Variants in YEATS2 observed in about 807,000 individuals in gnomAD.
YEATS2 encodes YEATS domain-containing protein 2.
Under a neutral mutation model 163.2 loss-of-function variants are expected in YEATS2, and 77 were observed. The observed-to-expected ratio is 0.47, with a 90% CI of 0.39 to 0.57. YEATS2 has a LOEUF of 0.57. Among genes scored for constraint, YEATS2 ranks in the 20% least tolerant of loss-of-function variants. YEATS2 has a pLI of 0.00. For missense variants in YEATS2, 1,549 were observed against 1,729.8 expected, an observed-to-expected ratio of 0.90 and a Z score of 1.85; for synonymous variants, 631 against 645.1, an observed-to-expected ratio of 0.98 and a Z score of 0.33.
Position 183,803,997 on chromosome 3 carries a change from C to G in YEATS2, c.3593C>G (p.Ala1198Gly). The part of the protein sequence containing the change: ...GKRRAAEWQR[A>G]MTMRKVLQEI... ...AATTTTTTTTTTAAGTGGCAAAGAG[C>G]AATGACAATGCGAAAAGTCTTACAA... is the stretch of plus-strand genomic sequence containing the variant. Residue 1198 changes from alanine to glycine, a missense_variant, in exon 27 of 31, where the codon GCA becomes GGA. Ala to Gly is a moderately conservative substitution (Grantham distance 60). Transcript: ENST00000305135. 1.2e-6 allele frequency: 2 copies of G among 1,613,918 alleles called. No individual in the cohort carries two copies. Among genetic ancestry groups the G allele is most frequent in the Non-Finnish European group, 1.7e-6 (2 of 1,179,982 alleles).
chr3:183,785,581 A>G (rs1723989051), intron 19 of YEATS2, among the ~76,000 whole-genome samples: 1 of 151,868 alleles, frequency 6.6e-6, no homozygotes, highest in Non-Finnish European at 1.5e-5. Flanking sequence ...ACTTGAGCCC[A>G]GGAGTTCGAG....
At chr3:183,716,937 G>C (rs1715952155) in intron 2 of YEATS2, among the ~76,000 whole-genome samples, 1 of 151,520 alleles carries the variant, frequency 6.6e-6, no homozygotes, top group Non-Finnish European at 1.5e-5. Flanking sequence ...CTGTCACCCG[G>C]GCTGGAGTGC....
At position 183,790,831 on chromosome 3, in the gene YEATS2, T is replaced by G. The variant is rs1242647899; in HGVS notation, c.2948T>G (p.Val983Gly). The G allele has an allele frequency of 6.2e-7, 1 of 1,614,074 alleles. No homozygotes were observed. The highest frequency in any genetic ancestry group is 2.2e-5 in the East Asian group (1 of 44,872). ...EGMAPVSSSTVSSVTKTSGQQ... is the reference protein window; with the variant it reads ...EGMAPVSSSTGSSVTKTSGQQ... ...ATGGCTCCCGTGTCTTCATCTACGG[T>G]CAGTTCTGTAACGAAAACTTCTGGG... The change falls in exon 21 of 31, where the codon GTC becomes GGC. Residue 983 changes from valine to glycine, a missense_variant. Coordinates refer to ENST00000305135, the MANE Select transcript of YEATS2 (RefSeq NM_018023.5).
intron 27 of YEATS2, chr3:183,806,178 T>G (rs1449703693): frequency 2.5e-6 from 1 of 401,660 alleles, no homozygotes. Flanking sequence ...ATATCCTAAG[T>G]CAAAAATGAT....
chr3:183,802,505 G>GTATA (rs1391324710), intron 25 of YEATS2: 7 of 63,066 alleles, frequency 1.1e-4, no homozygotes, highest in African/African-American at 4.2e-4. Flanking sequence ...GTGTGTGTGT[G>GTATA]TGTGTATACA....
chr3:183,744,102 C>CTTTTTTTTTTTTTTTTTTTTTTTTTTT (rs562807575), intron 8 of YEATS2, among the ~76,000 whole-genome samples: 1 of 56,002 alleles, frequency 1.8e-5, no homozygotes, highest in Non-Finnish European at 3.0e-5. Flanking sequence ...TTTAGTTTTG[C>CTTTTTTTTTTTTTTTTTTTTTTTTTTT]TTTTTTTTTT....
At chr3:183,746,545 T>A (rs1719556149) in intron 8 of YEATS2, among the ~76,000 whole-genome samples, 1 of 152,194 alleles carries the variant, frequency 6.6e-6, no homozygotes, top group African/African-American at 2.4e-5. Flanking sequence ...TCCTATCCAA[T>A]GTCCCTCTTG....
Position 183,812,526 on chromosome 3 carries a change from G to C in YEATS2, c.*1943G>C, listed in dbSNP as rs748099694. The C allele has an allele frequency of 6.6e-6, 1 of 152,652 alleles. No individual in the cohort carries two copies. The highest frequency in any genetic ancestry group is 2.4e-5 in the African/African-American group (1 of 41,448). 9.5% of individuals were successfully genotyped at this position (152,652 alleles called of 1,614,324 possible). ...TCTTTTTGCAAAAGAAATATTAAATGATTTAGCAGTCTCCACGTGTGTTAA... is the reference window on the plus strand; with the variant it reads ...TCTTTTTGCAAAAGAAATATTAAATCATTTAGCAGTCTCCACGTGTGTTAA... On this transcript the variant is annotated 3_prime_UTR_variant, in exon 31 of 31. Transcript: ENST00000305135.
chr3:183,750,511 G>A (rs1036659269), intron 9 of YEATS2, among the ~76,000 whole-genome samples: 3 of 152,096 alleles, frequency 2.0e-5, no homozygotes, highest in Non-Finnish European at 4.4e-5. Context: ...ATATTTTTTC[G>A]TGGTAGCCGC....
chr3:183,755,591 C>T (rs1027103118), intron 11 of YEATS2, among the ~76,000 whole-genome samples: 5 of 152,028 alleles, frequency 3.3e-5, no homozygotes, highest in African/African-American at 4.8e-5. Flanking sequence ...GAGTATTTTG[C>T]GGGAACACGA....
intron 12 of YEATS2, among the ~76,000 whole-genome samples, chr3:183,758,225 C>T (rs775752468): frequency 2.0e-5 from 3 of 151,956 alleles, no homozygotes; most frequent in Non-Finnish European, 2.9e-5. Context: ...GGTGTGGTAG[C>T]GCGTGCCTGT....
At chr3:183,793,321 C>A in intron 21 of YEATS2, 1 of 1,095,842 alleles carries the variant, frequency 9.1e-7, no homozygotes, top group African/African-American at 1.6e-5. Context: ...GGATAGAGAA[C>A]AAAAAATTAA....
chr3:183,807,113 A>G, intron 28 of YEATS2, 21 bp downstream of exon 28: 1 of 1,599,088 alleles, frequency 6.3e-7, no homozygotes, highest in Non-Finnish European at 8.5e-7. Flanking sequence ...TGGTGTTAAT[A>G]GTTCATGCAG....
chr3:183,806,348 G>GT (rs1560340423), intron 27 of YEATS2: 1 of 456,566 alleles, frequency 2.2e-6, no homozygotes, highest in South Asian at 1.5e-5. Context: ...CATCCAGAAA[G>GT]TGGAAGGGCA....
chr3:183,770,333 G>A (rs1485641845), intron 15 of YEATS2, among the ~76,000 whole-genome samples: 1 of 151,892 alleles, frequency 6.6e-6, no homozygotes, highest in Non-Finnish European at 1.5e-5. Flanking sequence ...GCAGTGAGCC[G>A]AGATTGCGCC....
intron 15 of YEATS2, among the ~76,000 whole-genome samples, chr3:183,765,794 A>G (rs1405424581): frequency 1.3e-5 from 2 of 152,130 alleles, no homozygotes; most frequent in East Asian, 3.8e-4. Flanking sequence ...TAAAAATACA[A>G]AAATTAGCCA....
chr3:183,768,739 G>A (rs1216406764), intron 15 of YEATS2, among the ~76,000 whole-genome samples: 3 of 152,116 alleles, frequency 2.0e-5, no homozygotes, highest in Non-Finnish European at 2.9e-5. Context: ...TTGGGAGGCC[G>A]AGACAGGTAG....
intron 9 of YEATS2, among the ~76,000 whole-genome samples, chr3:183,750,593 T>A (rs978045160): frequency 6.6e-6 from 1 of 152,154 alleles, no homozygotes; most frequent in Non-Finnish European, 1.5e-5. Context: ...ATTTGTTAAT[T>A]TTTTTTGTAT....
chr3:183,775,964 A>G lies in YEATS2; in HGVS notation c.2418A>G (p.Gly806=), dbSNP rs1358120686. The G allele has an allele frequency of 1.3e-6, 2 of 1,586,664 alleles. No homozygotes were observed. Among genetic ancestry groups the G allele is most frequent in the Non-Finnish European group, 1.7e-6 (2 of 1,161,190 alleles). The change falls in exon 18 of 31, where the codon GGA becomes GGG. Residue 806 remains glycine (G), a synonymous_variant. Coordinates refer to ENST00000305135, the MANE Select transcript of YEATS2 (RefSeq NM_018023.5). ...AASGGSGAGG[G]GGGGGGGGSG... The stretch of plus-strand genomic sequence containing the variant: ...GTGGTGGGAGTGGTGCCGGAGGAGG[A>G]GGAGGAGGAGGAGGAGGAGGCGGCA...
Sources: allele counts gnomAD v4.1 joint callset (sites outside exome capture counted in the v4.1 genomes callset), GRCh38; gene constraint gnomAD v4.1.1; transcripts MANE v1.5; gene names NCBI Gene and HGNC (gene_info 2026-07-23, HGNC 2026-07-21).